GNB1: variants seen among roughly 807,000 people sequenced by gnomAD.
GNB1 encodes G protein subunit beta 1.
GNB1 carries 2 observed loss-of-function variants against 42.9 expected under a neutral mutation model. The ratio of observed to expected loss-of-function variants is 0.05; its 90% CI spans 0.02 to 0.15. The LOEUF is 0.15. Among genes scored for constraint, GNB1 ranks in the 10% least tolerant of loss-of-function variants. The pLI is 1.00. For synonymous variants in GNB1, 183 were observed against 174.7 expected (o/e 1.05, Z -0.38); for missense variants, 193 against 462.2 (o/e 0.42, Z 5.34).
chr1:1,856,607 C>T (rs958284491), intron 1 of GNB1, among the ~76,000 whole-genome samples: 1 of 151,988 alleles, frequency 6.6e-6, no homozygotes, highest in Admixed American at 6.6e-5. Context: ...TTTGTATTTT[C>T]AGTAGAGACA....
rs1250994420 is a variant in GNB1, at chr1:1,825,483, C to A, written c.-30G>T. The A allele has an allele frequency of 1.3e-6, 2 of 1,529,268 alleles. No individual in the cohort carries two copies. The highest frequency in any genetic ancestry group is 1.8e-6 in the Non-Finnish European group (2 of 1,102,818). The allele number at this position is 1,529,268 out of a possible 1,614,324, so 94.7% of individuals were successfully genotyped here. ...CGATCTTAGTGCTCTTCAATGCCAC[C>A]TTCAAGAATGTGAGATCTGAAACAG... On this transcript the variant is annotated 5_prime_UTR_variant, in exon 3 of 12. The change creates a new upstream start codon in the 5' untranslated region. Transcript: ENST00000378609.
intron 5 of GNB1, among the ~76,000 whole-genome samples, chr1:1,807,490 A>AAC (rs1189889257): frequency 2.7e-5 from 4 of 146,230 alleles, no homozygotes; most frequent in African/African-American, 1.0e-4. Flanking sequence ...AAAAAAAAAA[A>AAC]AAACAAACAG....
At chr1:1,810,356 C>A (rs1247594761) in intron 5 of GNB1, among the ~76,000 whole-genome samples, 1 of 151,622 alleles carries the variant, frequency 6.6e-6, no homozygotes, top group Non-Finnish European at 1.5e-5. Context: ...TGAGCCACCG[C>A]GCCCGGCCCA....
At chr1:1,888,302 G>A (rs971523558) in intron 1 of GNB1, among the ~76,000 whole-genome samples, 7 of 151,532 alleles carry the variant, frequency 4.6e-5, no homozygotes, top group Non-Finnish European at 8.8e-5. Context: ...CCTGGGCAGT[G>A]CGCACTTAAC....
intron 1 of GNB1, among the ~76,000 whole-genome samples, chr1:1,841,748 C>A (rs1647250270): frequency 6.6e-6 from 1 of 152,184 alleles, no homozygotes; most frequent in Non-Finnish European, 1.5e-5. Flanking sequence ...CAAGCACGTA[C>A]TTTTCCGGCA....
intron 6 of GNB1, among the ~76,000 whole-genome samples, chr1:1,805,363 A>G: frequency 7.0e-6 from 1 of 143,510 alleles, no homozygotes; most frequent in Non-Finnish European, 1.5e-5. Context: ...AAGGAGGCTG[A>G]AGCAGGAGAG....
At chr1:1,877,317 AT>A (rs1399666625) in intron 1 of GNB1, among the ~76,000 whole-genome samples, 13 of 102,430 alleles carry the variant, frequency 1.3e-4, no homozygotes, top group East Asian at 7.5e-4. Context: ...AAAAAAAAAA[AT>A]ATATATATAT....
intron 1 of GNB1, among the ~76,000 whole-genome samples, chr1:1,856,072 G>A (rs549140153): frequency 9.2e-5 from 14 of 152,238 alleles, no homozygotes; most frequent in Non-Finnish European, 1.5e-4. Flanking sequence ...ACCCAGGCTA[G>A]AGTGCAGTGG....
chr1:1,787,462 A>G lies in GNB1; in HGVS notation c.917-25T>C, dbSNP rs775357092. ...CCTGGGAGCAAACAACAGCAGAATC[A>G]CACCAAAGCCCAGAGGCATCGATCT... On this transcript the variant is annotated intron_variant, in intron 10 of 11. Transcript: ENST00000378609. This position sits in a 1 kb window ranked among gnomAD's most constrained non-coding sequence, Gnocchi z 4.4. 2.1e-6 allele frequency: 3 copies of G among 1,408,376 alleles called. No individual in the cohort carries two copies. The highest frequency in any genetic ancestry group is 3.0e-6 in the Non-Finnish European group (3 of 993,408). The allele number at this position is 1,408,376 out of a possible 1,614,324, so 87.2% of individuals were successfully genotyped here.
chr1:1,828,462 A>C (rs954701869), intron 2 of GNB1, among the ~76,000 whole-genome samples: 2 of 152,182 alleles, frequency 1.3e-5, no homozygotes, highest in Non-Finnish European at 1.5e-5. Flanking sequence ...TTATACAAGA[A>C]CATGTACACA....
chr1:1,811,325 C>T (rs1292151222), intron 5 of GNB1, among the ~76,000 whole-genome samples: 5 of 151,666 alleles, frequency 3.3e-5, no homozygotes, highest in African/African-American at 1.2e-4. Context: ...TGAAGTCAAG[C>T]GATCCACCTG....
rs1266280396 is a variant in GNB1 at position 1,815,856 on chromosome 1, T to C, written c.103A>G (p.Asn35Asp). The C allele has an allele frequency of 6.3e-7, 1 of 1,579,554 alleles. No individual in the cohort carries two copies. Among genetic ancestry groups the C allele is most frequent in the Non-Finnish European group, 8.7e-7 (1 of 1,148,500 alleles). The change falls in exon 5 of 12, where the codon AAC (asparagine) becomes GAC (aspartate). Residue 35 changes from asparagine to aspartate, a missense_variant. Physicochemically the swap from Asn to Asp is conservative, Grantham distance 23. Coordinates refer to ENST00000378609, the MANE Select transcript of GNB1 (RefSeq NM_002074.5). ...ATTCTTCCCACTGGGTCGATGTTGT[T>C]TGTGATCTTGAAAATAAAAACATTT... is the stretch of plus-strand genomic sequence containing the variant. The part of the protein sequence containing the change: ...CADATLSQIT[N>D]NIDPVGRIQM...
chr1:1,841,551 G>A (rs1469649945), intron 1 of GNB1, among the ~76,000 whole-genome samples: 1 of 152,174 alleles, frequency 6.6e-6, no homozygotes, highest in Non-Finnish European at 1.5e-5. Flanking sequence ...GACCACTTGT[G>A]GAGGCTTCAC....
At chr1:1,873,346 G>A (rs1419355125) in intron 1 of GNB1, among the ~76,000 whole-genome samples, 1 of 152,280 alleles carries the variant, frequency 6.6e-6, no homozygotes, top group African/African-American at 2.4e-5. Flanking sequence ...GAGCTAGACT[G>A]TTGGAGAGGC....
chr1:1,806,671 TTTATAA>T (rs1249324775), intron 5 of GNB1, 133 bp from the exon 6 acceptor site: 2 of 549,230 alleles, frequency 3.6e-6, no homozygotes, highest in African/African-American at 3.8e-5. Context: ...AAGCCACTTA[TTTATAA>T]GAAAAAAAAT....
chr1:1,823,941 T>C (rs1646964840), intron 3 of GNB1, among the ~76,000 whole-genome samples: 1 of 152,184 alleles, frequency 6.6e-6, no homozygotes, highest in South Asian at 2.1e-4. Flanking sequence ...CACAGCTTAC[T>C]ATACAGCCTC....
intron 1 of GNB1, among the ~76,000 whole-genome samples, chr1:1,889,920 G>A (rs1650380404): frequency 6.6e-6 from 1 of 150,498 alleles, no homozygotes; most frequent in Non-Finnish European, 1.5e-5. Context: ...CCAGGCAAGA[G>A]GAAGACACCC....
At chr1:1,845,984 G>T (rs920632679) in intron 1 of GNB1, among the ~76,000 whole-genome samples, 1 of 144,280 alleles carries the variant, frequency 6.9e-6, no homozygotes, top group Middle Eastern at 3.5e-3. Flanking sequence ...GAGCTTCAGG[G>T]TTCCTCTGAG....
At chr1:1,888,202 T>A (rs904113518) in intron 1 of GNB1, among the ~76,000 whole-genome samples, 4 of 152,192 alleles carry the variant, frequency 2.6e-5, no homozygotes, top group Non-Finnish European at 5.9e-5. Context: ...AAGTCAATTC[T>A]GAGCTGAAAT....
Sources: allele counts gnomAD v4.1 joint callset (sites outside exome capture counted in the v4.1 genomes callset), GRCh38; gene constraint gnomAD v4.1.1; non-coding constraint Gnocchi (gnomAD v3.1); transcripts MANE v1.5; gene names NCBI Gene and HGNC (gene_info 2026-07-23, HGNC 2026-07-21).